AGBL2: variants seen among roughly 807,000 people sequenced by gnomAD.
AGBL2 encodes the protein cytosolic carboxypeptidase 2.
A neutral mutation model predicts 103.0 loss-of-function variants in AGBL2; 87 were observed. The ratio of observed to expected loss-of-function variants is 0.84; its 90% CI spans 0.71 to 1.01. The LOEUF (loss-of-function observed/expected upper bound fraction) is 1.01, where lower values mean the gene tolerates loss of function less well. Among genes scored for constraint, AGBL2 ranks in the 50% least tolerant of loss-of-function variants. AGBL2 has a pLI of 0.00. For missense variants in AGBL2, 904 were observed against 1,023.5 expected (o/e 0.88, Z 1.59); for synonymous variants, 335 against 356.7 (o/e 0.94, Z 0.69).
chr11:47,675,379 T>G (rs1435637930), intron 14 of AGBL2, among the ~76,000 whole-genome samples: 1 of 122,318 alleles, frequency 8.2e-6, no homozygotes, highest in Non-Finnish European at 1.7e-5. Flanking sequence ...TGCTAAGTTT[T>G]TTTTTTTTTT....
intron 11 of AGBL2, among the ~76,000 whole-genome samples, chr11:47,683,489 G>A (rs1291686967): frequency 2.6e-5 from 4 of 151,876 alleles, no homozygotes; most frequent in African/African-American, 7.3e-5. Context: ...CTGTAATATC[G>A]GTCAGGCACA....
At chr11:47,671,677 T>C (rs1243103578) in intron 14 of AGBL2, among the ~76,000 whole-genome samples, 1 of 152,162 alleles carries the variant, frequency 6.6e-6, no homozygotes, top group Admixed American at 6.6e-5. Context: ...CAATGAGTAG[T>C]AGTCCCACAG....
chr11:47,665,655 TG>T (rs1212759578), intron 17 of AGBL2, among the ~76,000 whole-genome samples: 1 of 152,154 alleles, frequency 6.6e-6, no homozygotes, highest in Non-Finnish European at 1.5e-5. Flanking sequence ...GGTTTCACTA[TG>T]TTGTGCAGGC....
intron 7 of AGBL2, among the ~76,000 whole-genome samples, chr11:47,700,022 A>G (rs2097491936): frequency 6.6e-6 from 1 of 151,762 alleles, no homozygotes. Context: ...CAATGGTGCA[A>G]TCTCGGCTCA....
chr11:47,691,580 C>T (rs1285215033), intron 9 of AGBL2, among the ~76,000 whole-genome samples: 1 of 145,688 alleles, frequency 6.9e-6, no homozygotes, highest in Non-Finnish European at 1.5e-5. Flanking sequence ...TGGTGGCAGG[C>T]GCCTGTAGTC....
At chr11:47,685,566 C>T (rs2097420421) in intron 11 of AGBL2, among the ~76,000 whole-genome samples, 1 of 152,068 alleles carries the variant, frequency 6.6e-6, no homozygotes, top group African/African-American at 2.4e-5. Context: ...GCATTACAGG[C>T]ATGTGCCACC....
At chr11:47,714,826 A>G (rs2097545507) in intron 1 of AGBL2, 76 bp from the exon 2 acceptor site, 1 of 648,864 alleles carries the variant, frequency 1.5e-6, no homozygotes, top group Non-Finnish European at 2.7e-6. Context: ...TCTTGACTTC[A>G]GAAAACCCTG....
chr11:47,702,906 C>T (rs1240098285), intron 7 of AGBL2, among the ~76,000 whole-genome samples: 1 of 151,870 alleles, frequency 6.6e-6, no homozygotes, highest in Admixed American at 6.6e-5. Flanking sequence ...GTTGTTTATT[C>T]AGTAGTATAA....
At chr11:47,692,969 C>G (rs2097453964) in intron 8 of AGBL2, among the ~76,000 whole-genome samples, 1 of 151,992 alleles carries the variant, frequency 6.6e-6, no homozygotes, top group Non-Finnish European at 1.5e-5. Flanking sequence ...CAGGAGTGCA[C>G]CACCACACCC....
intron 11 of AGBL2, among the ~76,000 whole-genome samples, chr11:47,683,308 G>A (rs909208025): frequency 3.3e-5 from 5 of 152,072 alleles, no homozygotes; most frequent in Admixed American, 1.3e-4. Flanking sequence ...GGGAGGAGGA[G>A]GTTGCAGTGA....
At chr11:47,691,919 A>C (rs781635532) in intron 9 of AGBL2, among the ~76,000 whole-genome samples, 184 bp downstream of exon 9, 1 of 150,706 alleles carries the variant, frequency 6.6e-6, no homozygotes, top group Non-Finnish European at 1.5e-5. Context: ...AAGCAAAGTA[A>C]ACAATTTAGA....
chr11:47,695,549 T>C (rs2097465805), intron 8 of AGBL2, among the ~76,000 whole-genome samples: 1 of 141,962 alleles, frequency 7.0e-6, no homozygotes, highest in Non-Finnish European at 1.5e-5. Context: ...TTGAAGTGGG[T>C]AGATTGCTTG....
rs913016419 is a variant in AGBL2, at chr11:47,683,229, C to T, written c.1789-1134G>A. On this transcript the variant is annotated intron_variant, in intron 11 of 18. Transcript: ENST00000525123. ...CTACTAAAAATACAAAAAAATTAGCCGGGCATGGCAACATGCACCTGTAAT... is the reference window on the plus strand; with the variant it reads ...CTACTAAAAATACAAAAAAATTAGCTGGGCATGGCAACATGCACCTGTAAT... Among the ~76,000 whole-genome samples the T allele has an allele frequency of 7.2e-5, 11 of 151,934 alleles. 1 individual carries two copies. Among genetic ancestry groups the T allele is most frequent in the South Asian group, 2.1e-4 (1 of 4,820 alleles).
intron 14 of AGBL2, among the ~76,000 whole-genome samples, chr11:47,669,671 C>A (rs1213047801): frequency 1.3e-5 from 2 of 148,456 alleles, no homozygotes; most frequent in Non-Finnish European, 3.0e-5. Context: ...AAGAGTGAAG[C>A]TGTCTCAATA....
intron 4 of AGBL2, among the ~76,000 whole-genome samples, chr11:47,709,414 G>C (rs974433239): frequency 6.6e-6 from 1 of 152,000 alleles, no homozygotes; most frequent in Admixed American, 6.6e-5. Flanking sequence ...GGGTGGATCA[G>C]TGTTTGGTTT....
chr11:47,669,360 G>A (rs1010467996), intron 14 of AGBL2, among the ~76,000 whole-genome samples: 11 of 152,216 alleles, frequency 7.2e-5, no homozygotes, highest in South Asian at 2.1e-4. Context: ...GAGAAATTGC[G>A]CCCAAGCAAT....
chr11:47,686,915 C>T (rs1158210060), intron 10 of AGBL2, among the ~76,000 whole-genome samples: 3 of 134,416 alleles, frequency 2.2e-5, no homozygotes, highest in South Asian at 2.3e-4. Context: ...ACCGAGATTG[C>T]GCCATTGCAT....
chr11:47,691,729 A>AAAAAAAAAAAAATATATATATACATATAT lies in AGBL2; in HGVS notation c.848+373_848+374insATATATGTATATATATATTTTTTTTTTTT. 4.1e-4 allele frequency among the ~76,000 whole-genome samples: 2 copies of AAAAAAAAAAAAATATATATATACATATAT among 4,856 alleles called. 1 individual carries two copies. The highest frequency in any genetic ancestry group is 7.3e-4 in the Non-Finnish European group (2 of 2,742). 3.2% of individuals were successfully genotyped at this position (4,856 alleles called of 152,430 possible). Reference sequence around the variant, plus strand: ...TCTCAAGAAAAAAAAAAAAAAAAAAAATATATATATATATATATATATATA... The same window carrying AAAAAAAAAAAAATATATATATACATATAT: ...TCTCAAGAAAAAAAAAAAAAAAAAAAAAAAAAAAAAAATATATATATACATATATATATATATATATATATATATATATA... On this transcript the variant is annotated intron_variant, in intron 9 of 18. Coordinates refer to ENST00000525123, the MANE Select transcript of AGBL2 (RefSeq NM_024783.4).
At chr11:47,691,729 A>AAAAAAAAAATATATATATATATAT in intron 9 of AGBL2, among the ~76,000 whole-genome samples, 1 of 4,856 alleles carries the variant, frequency 2.1e-4, no homozygotes, top group Non-Finnish European at 3.6e-4. Context: ...AAAAAAAAAA[A>AAAAAAAAAATATATATATATATAT]ATATATATAT....
Sources: allele counts gnomAD v4.1 joint callset (sites outside exome capture counted in the v4.1 genomes callset), GRCh38; gene constraint gnomAD v4.1.1; transcripts MANE v1.5; gene names NCBI Gene and HGNC (gene_info 2026-07-23, HGNC 2026-07-21).